Variants in SH2D4A observed in about 807,000 individuals in gnomAD.
SH2D4A encodes the protein SH2 domain containing 4A, also known as SH2 domain-containing protein 4A.
In SH2D4A, 70 loss-of-function variants were observed where a neutral mutation model predicts 64.7. That is an observed-to-expected ratio of 1.08 (90% CI 0.89 to 1.32). The LOEUF is 1.32. Ranked by LOEUF, SH2D4A falls within the 40% of genes most tolerant of loss-of-function variation. The pLI, the probability that SH2D4A is intolerant of heterozygous loss-of-function variation, is 0.00. For missense variants in SH2D4A, 706 were observed against 540.1 expected (o/e 1.31, Z -3.04); for synonymous variants, 268 against 200.7 (o/e 1.34, Z -2.83).
At position 19,394,706 on chromosome 8, in the gene SH2D4A, A is replaced by G; in HGVS notation, c.*64A>G. ...CTTTCCCCTGGACAAATGCCACTGC[A>G]ACATTTATGTGTGAAGCCAAAATCA... On this transcript the variant is annotated 3_prime_UTR_variant, in exon 10 of 10. Transcript: ENST00000265807. 1 of 1,326,880 alleles carries G rather than the reference A, an allele frequency of 7.5e-7. No homozygotes were observed. 82.2% of individuals were successfully genotyped at this position (1,326,880 alleles called of 1,614,324 possible).
At chr8:19,326,592 G>A (rs1415547688) in intron 2 of SH2D4A, among the ~76,000 whole-genome samples, 1 of 152,090 alleles carries the variant, frequency 6.6e-6, no homozygotes, top group East Asian at 1.9e-4. Flanking sequence ...TTTCTTTGTG[G>A]GGATAAAGTA....
chr8:19,389,962 G>A (rs2053461301), intron 8 of SH2D4A, among the ~76,000 whole-genome samples: 1 of 152,234 alleles, frequency 6.6e-6, no homozygotes, highest in Admixed American at 6.5e-5. Flanking sequence ...TGCAGAGAGG[G>A]CAGGTCAGAG....
At chr8:19,365,588 C>T (rs1401859379) in intron 7 of SH2D4A, among the ~76,000 whole-genome samples, 1 of 152,176 alleles carries the variant, frequency 6.6e-6, no homozygotes, top group Non-Finnish European at 1.5e-5. Flanking sequence ...ATGTCCCTGT[C>T]CCACAGCATT....
At chr8:19,317,544 G>T (rs935951110) in intron 1 of SH2D4A, among the ~76,000 whole-genome samples, 1 of 152,136 alleles carries the variant, frequency 6.6e-6, no homozygotes, top group Admixed American at 6.5e-5. Flanking sequence ...AACAGTCAGC[G>T]AATCTAAGAG....
intron 2 of SH2D4A, among the ~76,000 whole-genome samples, chr8:19,332,710 A>T (rs2052382360): frequency 1.4e-5 from 2 of 143,862 alleles, no homozygotes; most frequent in African/African-American, 5.5e-5. Flanking sequence ...AAAAAAAAAA[A>T]AAAGCACGGG....
chr8:19,347,821 C>A (rs1254773678), intron 4 of SH2D4A, among the ~76,000 whole-genome samples: 1 of 152,174 alleles, frequency 6.6e-6, no homozygotes, highest in Non-Finnish European at 1.5e-5. Context: ...AAAGTCTTCC[C>A]TGTGACATAT....
At chr8:19,377,231 C>T (rs2053211407) in intron 8 of SH2D4A, among the ~76,000 whole-genome samples, 1 of 152,084 alleles carries the variant, frequency 6.6e-6, no homozygotes, top group Non-Finnish European at 1.5e-5. Flanking sequence ...AAAATCCAAA[C>T]ATGACCTGGA....
chr8:19,341,702 G>C (rs1006183708), intron 4 of SH2D4A, among the ~76,000 whole-genome samples: 4 of 151,996 alleles, frequency 2.6e-5, no homozygotes, highest in African/African-American at 4.8e-5. Flanking sequence ...AATTAGTCAG[G>C]CATGGTGGCA....
In SH2D4A at chr8:19,393,166, G is replaced by A. The variant is rs902753171; in HGVS notation, c.1049-152G>A. ...TTAGCAAATACCAGAAGAATATTCC[G>A]TATTCCTAAGAAGCCCAAAACAGAC... On this transcript the variant is annotated intron_variant, in intron 8 of 9. Transcript: ENST00000265807. The A allele has an allele frequency of 9.8e-5, 65 of 663,484 alleles. 1 individual carries two copies. The highest frequency in any genetic ancestry group is 6.7e-4 in the South Asian group (36 of 53,648). The allele number at this position is 663,484 out of a possible 1,614,324, so 41.1% of individuals were successfully genotyped here.
At chr8:19,337,704 A>G (rs749319228) in intron 4 of SH2D4A, among the ~76,000 whole-genome samples, 1 of 152,226 alleles carries the variant, frequency 6.6e-6, no homozygotes, top group Non-Finnish European at 1.5e-5. Context: ...ACATGGCAGC[A>G]GACAAGAGAG....
chr8:19,382,820 A>ATTTTTTTTTTTTTTTTT (rs2053318237), intron 8 of SH2D4A, among the ~76,000 whole-genome samples: 5 of 85,908 alleles, frequency 5.8e-5, no homozygotes, highest in Non-Finnish European at 9.9e-5. Flanking sequence ...TGCTTTTAAG[A>ATTTTTTTTTTTTTTTTT]TTCTTTTTTT....
chr8:19,373,514 CT>C lies in SH2D4A; in HGVS notation c.918-12del. ...AATTAGTTAAATCTAACTTGAAAAA[CT>C]TTTATAAATAACAGAAATCAGGGAG... On this transcript the variant is annotated splice_polypyrimidine_tract_variant and intron_variant, in intron 7 of 9. Transcript: ENST00000265807. 1 of 1,553,010 alleles carries C rather than the reference CT, an allele frequency of 6.4e-7. No homozygotes were observed. The highest frequency in any genetic ancestry group is 8.7e-7 in the Non-Finnish European group (1 of 1,149,744).
chr8:19,335,515 A>G (rs565570846), intron 4 of SH2D4A, among the ~76,000 whole-genome samples: 8 of 152,226 alleles, frequency 5.3e-5, no homozygotes, highest in Non-Finnish European at 7.3e-5. Flanking sequence ...AAAGTGCAAC[A>G]TAGTAAATGG....
intron 4 of SH2D4A, among the ~76,000 whole-genome samples, chr8:19,351,902 G>A (rs111385565): frequency 0.038 from 5,723 of 152,118 alleles, 167 homozygotes; most frequent in South Asian, 0.098. Flanking sequence ...TTCTGCCTCA[G>A]CCTCCTGAGT....
intron 4 of SH2D4A, among the ~76,000 whole-genome samples, chr8:19,350,582 C>T (rs569261163): frequency 1.3e-5 from 2 of 152,232 alleles, no homozygotes; most frequent in South Asian, 4.1e-4. Context: ...TCCCCAGGCT[C>T]AGGTGATCCT....
intron 8 of SH2D4A, among the ~76,000 whole-genome samples, chr8:19,382,205 C>G (rs1318753379): frequency 6.6e-6 from 1 of 152,142 alleles, no homozygotes. Context: ...ACTTCCTTAG[C>G]TTTTGTTTAC....
At chr8:19,353,031 A>G (rs896670173) in intron 4 of SH2D4A, among the ~76,000 whole-genome samples, 38 of 152,260 alleles carry the variant, frequency 2.5e-4, no homozygotes, top group African/African-American at 8.2e-4. Flanking sequence ...ACAATGACCA[A>G]TAAAACAGGT....
intron 9 of SH2D4A, among the ~76,000 whole-genome samples, chr8:19,393,757 C>G (rs1374909608): frequency 2.0e-5 from 3 of 152,120 alleles, no homozygotes; most frequent in African/African-American, 7.2e-5. Flanking sequence ...CAGGGAACCC[C>G]ACTGGGGCAG....
At chr8:19,347,117 A>G (rs2052625409) in intron 4 of SH2D4A, among the ~76,000 whole-genome samples, 1 of 152,174 alleles carries the variant, frequency 6.6e-6, no homozygotes, top group Admixed American at 6.5e-5. Context: ...CTCTGAAGTG[A>G]TGCTCTGCTT....
Sources: allele counts gnomAD v4.1 joint callset (sites outside exome capture counted in the v4.1 genomes callset), GRCh38; gene constraint gnomAD v4.1.1; transcripts MANE v1.5; gene names NCBI Gene and HGNC (gene_info 2026-07-23, HGNC 2026-07-21).